ABL1: variants seen among roughly 807,000 people sequenced by gnomAD.
ABL1 encodes the protein ABL proto-oncogene 1, non-receptor tyrosine kinase.
ABL1 carries 11 observed loss-of-function variants against 94.7 expected under a neutral mutation model. The observed-to-expected ratio is 0.12, with a 90% CI of 0.07 to 0.19. The LOEUF (loss-of-function observed/expected upper bound fraction) is 0.19, where lower values mean the gene tolerates loss of function less well. Among genes scored for constraint, ABL1 ranks in the 10% least tolerant of loss-of-function variants. The probability of loss-of-function intolerance (pLI) is 1.00; values close to 1 mark genes in which losing one functional copy is unlikely to be tolerated. For synonymous variants in ABL1, 656 were observed against 622.4 expected, an observed-to-expected ratio of 1.05 and a Z score of -0.80; for missense variants, 1,082 against 1,489.4, an observed-to-expected ratio of 0.73 and a Z score of 4.50.
At chr9:130,806,860 T>A (rs1830132806) in intron 1 of ABL1, among the ~76,000 whole-genome samples, 1 of 152,146 alleles carries the variant, frequency 6.6e-6, no homozygotes. Context: ...TTTTAAAAAA[T>A]TTGTTTTTGG....
chr9:130,873,649 A>G (rs781605998), intron 6 of ABL1, among the ~76,000 whole-genome samples: 10 of 152,142 alleles, frequency 6.6e-5, no homozygotes, highest in African/African-American at 1.7e-4. Context: ...TAAACCCTGA[A>G]GTGTTTTGAC....
chr9:130,781,613 C>T (rs1829757058), intron 1 of ABL1, among the ~76,000 whole-genome samples: 1 of 152,102 alleles, frequency 6.6e-6, no homozygotes, highest in South Asian at 2.1e-4. Flanking sequence ...CTTACTGTAA[C>T]AAACACCAAG....
chr9:130,778,345 T>C (rs1161656511), intron 1 of ABL1, among the ~76,000 whole-genome samples: 703 of 108,380 alleles, frequency 6.5e-3, no homozygotes, highest in Middle Eastern at 0.054. Context: ...GCAGGGGAAT[T>C]GAGGAACCTC....
chr9:130,802,891 C>T (rs1830075084), intron 1 of ABL1, among the ~76,000 whole-genome samples: 1 of 152,104 alleles, frequency 6.6e-6, no homozygotes, highest in Non-Finnish European at 1.5e-5. Context: ...AAATGTGTTT[C>T]TCTCTGAGAT....
intron 1 of ABL1, among the ~76,000 whole-genome samples, chr9:130,825,533 C>T (rs1486173011): frequency 6.6e-6 from 1 of 152,188 alleles, no homozygotes; most frequent in East Asian, 1.9e-4. Context: ...AATCTTATCA[C>T]ACAGATAATA....
At chr9:130,834,150 T>C (rs141284837), upstream of ABL1, 6 of 451,254 alleles carry the variant, frequency 1.3e-5, no homozygotes, top group African/African-American at 1.0e-4. Context: ...GATAATCTGT[T>C]TCCTCACAGA....
chr9:130,772,337 C>T (rs916392413), intron 1 of ABL1, among the ~76,000 whole-genome samples: 2 of 152,194 alleles, frequency 1.3e-5, no homozygotes, highest in Non-Finnish European at 2.9e-5. Flanking sequence ...CAAGTATTTA[C>T]TGTTTGTCCA....
At chr9:130,733,081 G>T (rs11244119) in intron 1 of ABL1, among the ~76,000 whole-genome samples, 1,995 of 152,300 alleles carry the variant, frequency 0.013, 19 homozygotes, top group Non-Finnish European at 0.019. Flanking sequence ...ATCTGAGGAT[G>T]CCTGTCTTGT....
At chr9:130,752,953 C>T (rs1831984837) in intron 1 of ABL1, among the ~76,000 whole-genome samples, 1 of 111,972 alleles carries the variant, frequency 8.9e-6, no homozygotes, top group Admixed American at 9.9e-5. Flanking sequence ...AGCGAGACTT[C>T]GTCTCAAAAA....
In ABL1 at chr9:130,835,658, CCTCTTCTCTT is replaced by C. The variant is rs78414785; in HGVS notation, c.79+145_79+154del. The C allele has an allele frequency of 1.5e-4, 83 of 541,294 alleles. No individual in the cohort carries two copies. The highest frequency in any genetic ancestry group is 6.3e-4 in the Admixed American group (20 of 31,866). 33.5% of individuals were successfully genotyped at this position (541,294 alleles called of 1,614,324 possible). On this transcript the variant is annotated intron_variant, in intron 1 of 10. Transcript: ENST00000318560. This position sits in a 1 kb window ranked among gnomAD's most constrained non-coding sequence, Gnocchi z 4.6. Reference sequence around the variant, plus strand: ...GGTCTTGTCTTTTTTTTCTTTCTTCCCTCTTCTCTTCTCTTCTCTTCAGTTCTCTTATATT... The same window carrying C: ...GGTCTTGTCTTTTTTTTCTTTCTTCCCTCTTCTCTTCAGTTCTCTTATATT...
chr9:130,834,201 G>A (rs1199483972), upstream of ABL1, among the ~76,000 whole-genome samples: 3 of 152,150 alleles, frequency 2.0e-5, no homozygotes, highest in Non-Finnish European at 4.4e-5. Flanking sequence ...AGGTAACATG[G>A]CACATAGGAA....
rs3076833 is a variant in ABL1, at chr9:130,716,025, T to TACACAC, written c.136+1582_136+1587dup. ...CAGTTAAACAAACTAAATATATATA[T>TACACAC]ACACACACACACACACATATATATC... On this transcript the variant is annotated intron_variant, in intron 1 of 10. Coordinates refer to the ABL1 transcript ENST00000372348. 1.6e-3 allele frequency among the ~76,000 whole-genome samples: 235 copies of TACACAC among 144,950 alleles called. 1 individual carries two copies. The highest frequency in any genetic ancestry group is 5.7e-3 in the African/African-American group (229 of 40,070).
At chr9:130,870,910 C>T (rs1414018743) in intron 4 of ABL1, among the ~76,000 whole-genome samples, 7 of 152,140 alleles carry the variant, frequency 4.6e-5, no homozygotes, top group South Asian at 2.1e-4. Context: ...AAGGTTGGCC[C>T]GTCCTCTGGA....
chr9:130,819,743 G>A (rs1316240279), intron 1 of ABL1, among the ~76,000 whole-genome samples: 1 of 151,510 alleles, frequency 6.6e-6, no homozygotes, highest in Non-Finnish European at 1.5e-5. Context: ...GAGTTTCACC[G>A]TGCTGGCCAG....
At chr9:130,793,865 G>A (rs1225423239) in intron 1 of ABL1, among the ~76,000 whole-genome samples, 3 of 152,114 alleles carry the variant, frequency 2.0e-5, no homozygotes, top group Non-Finnish European at 2.9e-5. Flanking sequence ...GGCGGCATTA[G>A]TTTCTCATAG....
chr9:130,805,797 T>G (rs753134078), intron 1 of ABL1, among the ~76,000 whole-genome samples: 15 of 152,130 alleles, frequency 9.9e-5, no homozygotes, highest in Non-Finnish European at 1.5e-4. Context: ...CAGCTCTTAT[T>G]AAGTAGGGGG....
rs781002444 is a variant in ABL1, at chr9:130,751,522, G to T, written c.136+37067G>T. On this transcript the variant is annotated intron_variant, in intron 1 of 10. Coordinates refer to the ABL1 transcript ENST00000372348. ...GTTATGGGGAGGGCTGAAAAAGCAG[G>T]TTCTTGGTTGGGCTTCATGAGTGAT... Among the ~76,000 whole-genome samples, 84 of 152,130 alleles carry T rather than the reference G, an allele frequency of 5.5e-4. 1 individual carries two copies. Among genetic ancestry groups the T allele is most frequent in the Non-Finnish European group, 1.8e-4 (12 of 68,020 alleles).
intron 1 of ABL1, among the ~76,000 whole-genome samples, chr9:130,798,922 G>T (rs960919842): frequency 8.5e-5 from 12 of 141,756 alleles, no homozygotes; most frequent in African/African-American, 3.0e-4. Flanking sequence ...AGTGAGCTAA[G>T]ATCGTGCCAC....
chr9:130,799,603 A>G (rs1023911338), intron 1 of ABL1, among the ~76,000 whole-genome samples: 4 of 152,194 alleles, frequency 2.6e-5, no homozygotes, highest in African/African-American at 9.7e-5. Context: ...AAAAGGTTTG[A>G]TGGGATTTCA....
Sources: gnomAD v4.1 joint callset for allele counts (sites outside exome capture counted in the v4.1 genomes callset) on GRCh38, gnomAD v4.1.1 for gene constraint, Gnocchi (gnomAD v3.1) non-coding constraint, MANE v1.5 for transcripts, NCBI Gene and HGNC (gene_info 2026-07-23, HGNC 2026-07-21) for gene names.